The following TMEM117 variants were observed in gnomAD, a reference collection of about 807,000 sequenced individuals.
TMEM117 encodes the protein transmembrane protein 117.
TMEM117 carries 27 observed loss-of-function variants against 52.4 expected under a neutral mutation model. The observed-to-expected ratio is 0.51, with a 90% CI of 0.38 to 0.71. The LOEUF (loss-of-function observed/expected upper bound fraction) is 0.71, where lower values mean the gene tolerates loss of function less well. Ranked by LOEUF, TMEM117 falls within the 30% of genes least tolerant of loss-of-function variation. TMEM117 has a pLI of 0.00. For synonymous variants in TMEM117, 215 were observed against 206.3 expected, an observed-to-expected ratio of 1.04 and a Z score of -0.36; for missense variants, 556 against 630.5, an observed-to-expected ratio of 0.88 and a Z score of 1.26.
intron 2 of TMEM117, among the ~76,000 whole-genome samples, chr12:43,904,360 C>A (rs1321779672): frequency 6.6e-6 from 1 of 152,124 alleles, no homozygotes; most frequent in Admixed American, 6.5e-5. Context: ...GGGGACAGAG[C>A]AAGATCCTGT....
At chr12:44,382,404 A>C (rs1239092797) in intron 7 of TMEM117, among the ~76,000 whole-genome samples, 1 of 152,202 alleles carries the variant, frequency 6.6e-6, no homozygotes, top group East Asian at 1.9e-4. Flanking sequence ...TCATCAGATA[A>C]TTATGATACA....
chr12:44,188,687 A>G (rs145010084), intron 4 of TMEM117, among the ~76,000 whole-genome samples: 16 of 152,116 alleles, frequency 1.1e-4, no homozygotes, highest in African/African-American at 3.1e-4. Context: ...CCCAAGTACA[A>G]TTGCAACCAT....
intron 2 of TMEM117, among the ~76,000 whole-genome samples, chr12:43,865,957 CA>C (rs1369075913): frequency 2.6e-5 from 4 of 151,604 alleles, no homozygotes; most frequent in African/African-American, 9.7e-5. Flanking sequence ...ATTGTACATA[CA>C]AAAAACCAGG....
At chr12:44,313,661 T>C (rs1951018908) in intron 6 of TMEM117, among the ~76,000 whole-genome samples, 1 of 152,226 alleles carries the variant, frequency 6.6e-6, no homozygotes, top group Non-Finnish European at 1.5e-5. Flanking sequence ...ATTGATAGTT[T>C]GAAGGAATAG....
At chr12:43,940,763 C>T (rs1194615200) in intron 2 of TMEM117, among the ~76,000 whole-genome samples, 5 of 152,096 alleles carry the variant, frequency 3.3e-5, no homozygotes, top group Admixed American at 6.5e-5. Context: ...AGGCTGGTCT[C>T]GAACTCCTGA....
chr12:43,863,842 T>C (rs1007643011), intron 2 of TMEM117, among the ~76,000 whole-genome samples: 4 of 152,196 alleles, frequency 2.6e-5, no homozygotes, highest in Non-Finnish European at 4.4e-5. Flanking sequence ...ATGGGAGCCC[T>C]TCTCTGGGCT....
chr12:43,828,505 C>A, the TMEM117 span, among the ~76,000 whole-genome samples: 1 of 152,208 alleles, frequency 6.6e-6, no homozygotes, highest in Non-Finnish European at 1.5e-5. Context: ...GCAGAGAGAC[C>A]AGCCCTTCCG....
At chr12:44,236,401 C>A (rs1474995339) in intron 5 of TMEM117, among the ~76,000 whole-genome samples, 1 of 152,016 alleles carries the variant, frequency 6.6e-6, no homozygotes, top group Non-Finnish European at 1.5e-5. Context: ...TTCTCTTAAA[C>A]CTGTTCTTAA....
chr12:43,815,536 C>G, the TMEM117 span, among the ~76,000 whole-genome samples: 2 of 152,182 alleles, frequency 1.3e-5, no homozygotes, highest in African/African-American at 2.4e-5. Flanking sequence ...ATGAGGCAGC[C>G]TGGCGATAAA....
intron 3 of TMEM117, among the ~76,000 whole-genome samples, chr12:43,961,156 T>C (rs1381869820): frequency 1.3e-5 from 2 of 152,132 alleles, no homozygotes; most frequent in Non-Finnish European, 2.9e-5. Context: ...TGCAAAACAA[T>C]TGGTATGATG....
intron 5 of TMEM117, among the ~76,000 whole-genome samples, chr12:44,272,122 A>G (rs1950454089): frequency 6.6e-6 from 1 of 152,130 alleles, no homozygotes; most frequent in Non-Finnish European, 1.5e-5. Context: ...AACCTTATTC[A>G]CTGTTGGTGG....
At chr12:44,374,703 G>A (rs1429975844) in intron 6 of TMEM117, among the ~76,000 whole-genome samples, 1 of 151,522 alleles carries the variant, frequency 6.6e-6, no homozygotes, top group Non-Finnish European at 1.5e-5. Context: ...AATCTCTAGA[G>A]ATTGCTTTCA....
chr12:44,158,691 G>T (rs1019537841), intron 4 of TMEM117, among the ~76,000 whole-genome samples: 1 of 151,910 alleles, frequency 6.6e-6, no homozygotes, highest in Non-Finnish European at 1.5e-5. Flanking sequence ...TGGGTCTAGG[G>T]TGTTTTAGTA....
At chr12:44,213,435 A>G (rs1565599043) in intron 5 of TMEM117, among the ~76,000 whole-genome samples, 1 of 152,228 alleles carries the variant, frequency 6.6e-6, no homozygotes. Context: ...AAAAGTCAGA[A>G]TTTGAAAGGA....
chr12:43,811,202 G>T, the TMEM117 span, among the ~76,000 whole-genome samples: 1 of 152,200 alleles, frequency 6.6e-6, no homozygotes, highest in Non-Finnish European at 1.5e-5. Context: ...ATGAAAAATT[G>T]TTGGGTGAGT....
chr12:44,298,182 T>G (rs1349820500), intron 5 of TMEM117, among the ~76,000 whole-genome samples: 1 of 150,736 alleles, frequency 6.6e-6, no homozygotes, highest in Non-Finnish European at 1.5e-5. Context: ...ACCAAATTTT[T>G]GGCTTAGAGG....
chr12:44,292,266 C>T (rs949835539), intron 5 of TMEM117, among the ~76,000 whole-genome samples: 1 of 151,898 alleles, frequency 6.6e-6, no homozygotes, highest in African/African-American at 2.4e-5. Flanking sequence ...GGAGTAGTCT[C>T]TTATGACCCT....
chr12:43,832,259 T>C (rs944278462), upstream of TMEM117, among the ~76,000 whole-genome samples: 3 of 152,224 alleles, frequency 2.0e-5, no homozygotes, highest in Non-Finnish European at 2.9e-5. Context: ...AGAGGAAAGT[T>C]TTCATAGAAC....
At position 43,905,210 on chromosome 12, in the gene TMEM117, C is replaced by T. The variant is rs1054102423; in HGVS notation, c.278-39000C>T. ...TATGTCTCCCCTATCCTGAAGATTT[C>T]TAGTTCCCCTTAAGTTATGCAGAGA... On this transcript the variant is annotated intron_variant, in intron 2 of 7. Transcript: ENST00000266534. 5.9e-5 allele frequency among the ~76,000 whole-genome samples: 9 copies of T among 152,146 alleles called. 1 individual carries two copies. Among genetic ancestry groups the T allele is most frequent in the Non-Finnish European group, 1.3e-4 (9 of 68,018 alleles).
Sources: allele counts gnomAD v4.1 joint callset (sites outside exome capture counted in the v4.1 genomes callset), GRCh38; gene constraint gnomAD v4.1.1; transcripts MANE v1.5; gene names NCBI Gene and HGNC (gene_info 2026-07-23, HGNC 2026-07-21).